The following FAM135B variants were observed in gnomAD, a reference collection of about 807,000 sequenced individuals.
FAM135B encodes protein FAM135B.
FAM135B carries 43 observed loss-of-function variants against 127.7 expected under a neutral mutation model. That is an observed-to-expected ratio of 0.34 (90% confidence interval 0.26 to 0.43). The LOEUF (loss-of-function observed/expected upper bound fraction) is 0.43, where lower values mean the gene tolerates loss of function less well. Among genes scored for constraint, FAM135B ranks in the 20% least tolerant of loss-of-function variants. The probability of loss-of-function intolerance (pLI) is 1.00; values close to 1 mark genes in which losing one functional copy is unlikely to be tolerated. For synonymous variants in FAM135B, 670 were observed against 665.1 expected (o/e 1.01, Z -0.11); for missense variants, 1,558 against 1,725.6 (o/e 0.90, Z 1.72).
At chr8:138,283,011 C>T (rs1399883033) in intron 3 of FAM135B, among the ~76,000 whole-genome samples, 1 of 152,066 alleles carries the variant, frequency 6.6e-6, no homozygotes, top group African/African-American at 2.4e-5. Context: ...AGTGATTTTC[C>T]CGCCTCAGTC....
At chr8:138,423,321 A>G (rs1051673348) in intron 1 of FAM135B, among the ~76,000 whole-genome samples, 1 of 152,170 alleles carries the variant, frequency 6.6e-6, no homozygotes, top group Non-Finnish European at 1.5e-5. Context: ...GATATCGGGG[A>G]AAATTCAGCC....
chr8:138,237,150 A>ATTTTTTT (rs10604150), intron 7 of FAM135B, among the ~76,000 whole-genome samples: 123 of 101,332 alleles, frequency 1.2e-3, no homozygotes, highest in African/African-American at 4.2e-3. Context: ...TGGATCCTTG[A>ATTTTTTT]TTTTTTTTTT....
rs1231817500 is a variant in FAM135B at position 138,146,041 on chromosome 8, G to A, written c.3458C>T (p.Ala1153Val). 6.3e-7 allele frequency: 1 copy of A among 1,595,588 alleles called. No individual in the cohort carries two copies. Among genetic ancestry groups the A allele is most frequent in the Non-Finnish European group, 8.6e-7 (1 of 1,164,252 alleles). The change falls in exon 15 of 20, where the codon GCA (alanine) becomes GTA (valine). Residue 1153 changes from alanine (A) to valine (V), a missense_variant. Around this residue, in one of 5 missense-constraint regions of FAM135B, gnomAD observed 194 missense variants for 333.8 expected, o/e 0.58. Transcript: ENST00000395297. Reference sequence around the variant, plus strand: ...GAAAGTCTTTACCAGCCGGAGGTCTGCACTGTTCCCTAAAAATGACAGATA... The same window carrying A: ...GAAAGTCTTTACCAGCCGGAGGTCTACACTGTTCCCTAAAAATGACAGATA... ...VCVHGLDGNS[A>V]DLRLVKTFIE...
chr8:138,247,446 A>G (rs1821374494), intron 6 of FAM135B, among the ~76,000 whole-genome samples: 1 of 152,148 alleles, frequency 6.6e-6, no homozygotes, highest in African/African-American at 2.4e-5. Context: ...AGGGCCTTTT[A>G]TCCTTTTGCT....
intron 3 of FAM135B, among the ~76,000 whole-genome samples, chr8:138,276,833 C>T (rs555522181): frequency 3.6e-4 from 55 of 152,314 alleles, no homozygotes; most frequent in African/African-American, 3.1e-4. Context: ...CCAGGCAGGG[C>T]GGTGAGCAGG....
intron 1 of FAM135B, among the ~76,000 whole-genome samples, chr8:138,428,024 T>C (rs531477825): frequency 5.3e-5 from 8 of 152,136 alleles, no homozygotes; most frequent in African/African-American, 1.9e-4. Context: ...ACTTCTCCAA[T>C]AGCAATAACA....
At chr8:138,473,830 CAG>C (rs35738290) in intron 1 of FAM135B, among the ~76,000 whole-genome samples, 10,942 of 146,366 alleles carry the variant, frequency 0.075, 1,178 homozygotes, top group African/African-American at 0.24. Flanking sequence ...ATATGAGAGA[CAG>C]AGAGAGAGAG....
chr8:138,199,512 C>T (rs1816936344), intron 7 of FAM135B, among the ~76,000 whole-genome samples: 2 of 152,176 alleles, frequency 1.3e-5, no homozygotes. Flanking sequence ...GTTACCCGGC[C>T]TTGGGGCAAG....
At chr8:138,214,785 A>G (rs1818422028) in intron 7 of FAM135B, among the ~76,000 whole-genome samples, 1 of 152,206 alleles carries the variant, frequency 6.6e-6, no homozygotes, top group Non-Finnish European at 1.5e-5. Flanking sequence ...ATAAAGCAGT[A>G]TGAAGGTCTC....
At chr8:138,228,352 TTG>T in intron 7 of FAM135B, among the ~76,000 whole-genome samples, 1 of 152,174 alleles carries the variant, frequency 6.6e-6, no homozygotes, top group Non-Finnish European at 1.5e-5. Flanking sequence ...CCCCAGAGGA[TTG>T]TGATGTGCAC....
intron 4 of FAM135B, among the ~76,000 whole-genome samples, chr8:138,258,084 A>T (rs1298325515): frequency 6.6e-6 from 1 of 152,144 alleles, no homozygotes; most frequent in Non-Finnish European, 1.5e-5. Context: ...GTCCCCAGTA[A>T]TCCTTATATG....
chr8:138,489,065 A>C (rs913047216), intron 1 of FAM135B, among the ~76,000 whole-genome samples: 3 of 151,910 alleles, frequency 2.0e-5, no homozygotes, highest in Non-Finnish European at 4.4e-5. Context: ...AATCACTGCT[A>C]CTCCCAGGTT....
chr8:138,337,864 C>T (rs550699015), intron 2 of FAM135B, among the ~76,000 whole-genome samples: 176 of 152,222 alleles, frequency 1.2e-3, no homozygotes, highest in African/African-American at 4.0e-3. Context: ...AACTATACTG[C>T]AAGGCTACAG....
chr8:138,354,405 T>C (rs1829958410), intron 2 of FAM135B, among the ~76,000 whole-genome samples: 1 of 152,170 alleles, frequency 6.6e-6, no homozygotes, highest in Non-Finnish European at 1.5e-5. Context: ...TCTGTACCTT[T>C]GTGCATACCT....
chr8:138,268,277 C>T (rs1267950062), intron 3 of FAM135B, among the ~76,000 whole-genome samples: 2 of 152,226 alleles, frequency 1.3e-5, no homozygotes, highest in South Asian at 4.1e-4. Context: ...TGCAGAGAAA[C>T]TTCTGAGTAC....
chr8:138,387,720 A>G (rs1252583676), intron 1 of FAM135B, among the ~76,000 whole-genome samples: 2 of 152,240 alleles, frequency 1.3e-5, no homozygotes, highest in Admixed American at 6.5e-5. Flanking sequence ...ACTAAGGTTC[A>G]TGGGTGGCAT....
intron 7 of FAM135B, among the ~76,000 whole-genome samples, chr8:138,200,323 A>G (rs1817009864): frequency 6.6e-6 from 1 of 152,162 alleles, no homozygotes; most frequent in African/African-American, 2.4e-5. Flanking sequence ...CCATATATTC[A>G]CATTTCTACA....
intron 1 of FAM135B, among the ~76,000 whole-genome samples, chr8:138,445,409 A>C (rs1181871770): frequency 6.6e-6 from 1 of 152,184 alleles, no homozygotes; most frequent in Non-Finnish European, 1.5e-5. Context: ...CCTCAATAAA[A>C]TACTGGCAAA....
chr8:138,257,381 A>C (rs1448166313), intron 4 of FAM135B, among the ~76,000 whole-genome samples: 1 of 151,712 alleles, frequency 6.6e-6, no homozygotes, highest in Non-Finnish European at 1.5e-5. Context: ...TGTCCTACTC[A>C]TGGCTGCTTT....
Sources: allele counts gnomAD v4.1 joint callset (sites outside exome capture counted in the v4.1 genomes callset), GRCh38; gene constraint gnomAD v4.1.1; regional missense constraint gnomAD v4.1.1; transcripts MANE v1.5; gene names NCBI Gene and HGNC (gene_info 2026-07-23, HGNC 2026-07-21).